The following WDR27 variants were observed in gnomAD, a reference collection of about 807,000 sequenced individuals.
WDR27 encodes WD repeat domain 27.
Under a neutral mutation model 114.4 loss-of-function variants are expected in WDR27, and 100 were observed. That is an observed-to-expected ratio of 0.87 (90% CI 0.74 to 1.03). The LOEUF (loss-of-function observed/expected upper bound fraction) is 1.03, where lower values mean the gene tolerates loss of function less well. WDR27 is among the 50% of genes least tolerant of loss of function. WDR27 has a pLI of 0.00. For synonymous variants in WDR27, 449 were observed against 423.1 expected, an observed-to-expected ratio of 1.06 and a Z score of -0.75; for missense variants, 1,129 against 1,092.9, an observed-to-expected ratio of 1.03 and a Z score of -0.47.
chr6:169,473,923 G>A (rs959774121), intron 25 of WDR27, among the ~76,000 whole-genome samples: 3 of 152,230 alleles, frequency 2.0e-5, no homozygotes, highest in African/African-American at 7.2e-5. Context: ...CTGCTTCTCT[G>A]TTTCAGTTTC....
intron 25 of WDR27, among the ~76,000 whole-genome samples, chr6:169,492,240 A>C (rs992565514): frequency 6.6e-6 from 1 of 151,980 alleles, no homozygotes; most frequent in Non-Finnish European, 1.5e-5. Flanking sequence ...AAAGCAGCAG[A>C]TCATTGCTCG....
intron 25 of WDR27, among the ~76,000 whole-genome samples, chr6:169,466,138 G>A (rs879535715): frequency 1.4e-4 from 22 of 152,160 alleles, no homozygotes; most frequent in Non-Finnish European, 2.4e-4. Flanking sequence ...CTCTTGCCCC[G>A]TTTCTGTCCA....
intron 22 of WDR27, among the ~76,000 whole-genome samples, chr6:169,610,422 G>A (rs576405228): frequency 2.0e-4 from 30 of 152,268 alleles, no homozygotes; most frequent in Non-Finnish European, 3.5e-4. Flanking sequence ...AGCAAGCCCC[G>A]TCTTACATGG....
In WDR27 at chr6:169,636,496, G is replaced by A; in HGVS notation, c.1878C>T (p.Asp626=). The change falls in exon 19 of 26, where the codon GAC becomes GAT. Residue 626 remains aspartate, a synonymous_variant. Transcript: ENST00000448612. ...GAELALLLGK[D]MFSKPIQSAQ... is the part of the protein sequence containing the mutation. ...CAGACTGTATAGGTTTAGAAAACAT[G>A]TCTTTGCCCTGTAATGCAAATCAGT... The A allele has an allele frequency of 6.2e-7, 1 of 1,605,926 alleles. No individual in the cohort carries two copies. Among genetic ancestry groups the A allele is most frequent in the Non-Finnish European group, 8.5e-7 (1 of 1,176,812 alleles).
At chr6:169,449,572 G>A in the WDR27 span, among the ~76,000 whole-genome samples, 1 of 152,184 alleles carries the variant, frequency 6.6e-6, no homozygotes, top group Non-Finnish European at 1.5e-5. Context: ...TGTGGGCACC[G>A]GGACTGCAGT....
chr6:169,466,786 T>C (rs1363522716), intron 25 of WDR27, among the ~76,000 whole-genome samples: 2 of 152,166 alleles, frequency 1.3e-5, no homozygotes, highest in Admixed American at 1.3e-4. Context: ...TCCTCCCAAA[T>C]CTCATGTCTT....
At chr6:169,521,969 G>GT (rs1481966335) in intron 25 of WDR27, among the ~76,000 whole-genome samples, 1 of 152,006 alleles carries the variant, frequency 6.6e-6, no homozygotes, top group African/African-American at 2.4e-5. Flanking sequence ...AATGGCCATT[G>GT]TAAGTCTTCA....
At chr6:169,529,217 C>T (rs1367274964) in intron 25 of WDR27, among the ~76,000 whole-genome samples, 2 of 147,556 alleles carry the variant, frequency 1.4e-5, no homozygotes, top group East Asian at 2.0e-4. Flanking sequence ...TCACTATGTG[C>T]GTGTGCATAT....
chr6:169,521,673 TGTAGA>T (rs1385814571), intron 25 of WDR27, among the ~76,000 whole-genome samples: 14 of 152,224 alleles, frequency 9.2e-5, no homozygotes, highest in South Asian at 4.1e-4. Flanking sequence ...GAGCTTAAAA[TGTAGA>T]GTATTTTTTT....
At position 169,688,933 on chromosome 6, in the gene WDR27, C is replaced by A; in HGVS notation, c.73G>T (p.Val25Phe). Residue 25 changes from valine (V) to phenylalanine (F), a missense_variant, in exon 2 of 26, where the codon GTT (valine) becomes TTT (phenylalanine). Coordinates refer to ENST00000448612, the MANE Select transcript of WDR27 (RefSeq NM_182552.5). Reference sequence around the variant, plus strand: ...TGAGACACAGACTCCTTGGATTCAACCAGGTATTTTTCTATAACTATATCA... The same window carrying A: ...TGAGACACAGACTCCTTGGATTCAAACAGGTATTTTTCTATAACTATATCA... ...LSDIVIEKYL[V>F]ESKESVSHVQ... is the part of the protein sequence containing the mutation. The A allele has an allele frequency of 6.2e-7, 1 of 1,613,902 alleles. No homozygotes were observed. The highest frequency in any genetic ancestry group is 8.5e-7 in the Non-Finnish European group (1 of 1,179,848).
At chr6:169,452,932 C>T (rs185162423), downstream of WDR27, among the ~76,000 whole-genome samples, 41 of 152,338 alleles carry the variant, frequency 2.7e-4, no homozygotes, top group East Asian at 6.9e-3. Context: ...CTTCTCTCCA[C>T]AAGCAGCTGT....
intron 25 of WDR27, among the ~76,000 whole-genome samples, chr6:169,570,808 C>G (rs9396944): frequency 0.58 from 87,454 of 152,000 alleles, 27,450 homozygotes; most frequent in Non-Finnish European, 0.69. Flanking sequence ...CAGCCTGGGC[C>G]ACAAGAGCGA....
intron 4 of WDR27, 97 bp from the exon 5 acceptor site, chr6:169,668,282 G>A: frequency 8.0e-7 from 1 of 1,250,872 alleles, no homozygotes; most frequent in Non-Finnish European, 1.1e-6. Flanking sequence ...TAAGAGGAAA[G>A]CTCAGGCGAC....
intron 25 of WDR27, among the ~76,000 whole-genome samples, chr6:169,552,814 T>C (rs1298216620): frequency 6.6e-6 from 1 of 152,244 alleles, no homozygotes; most frequent in African/African-American, 2.4e-5. Context: ...GATTTTTAAC[T>C]GTTTTAAAAG....
At chr6:169,696,190 C>T (rs1431679522) in intron 1 of WDR27, among the ~76,000 whole-genome samples, 2 of 152,196 alleles carry the variant, frequency 1.3e-5, no homozygotes, top group Non-Finnish European at 2.9e-5. Context: ...TCCCTGCATA[C>T]GTCTACACAG....
chr6:169,656,109 G>C (rs1011135725), intron 13 of WDR27, among the ~76,000 whole-genome samples: 2 of 152,022 alleles, frequency 1.3e-5, no homozygotes. Flanking sequence ...CCCCCAGTGT[G>C]GCTGAGTTTG....
At chr6:169,662,208 TTTA>T in intron 9 of WDR27, 93 bp downstream of exon 9, 2 of 1,448,870 alleles carry the variant, frequency 1.4e-6, no homozygotes, top group Non-Finnish European at 9.4e-7. Flanking sequence ...ATAATTTGGT[TTTA>T]TCTCAGTCAT....
At chr6:169,478,305 C>A (rs1787474111) in intron 25 of WDR27, among the ~76,000 whole-genome samples, 1 of 152,072 alleles carries the variant, frequency 6.6e-6, no homozygotes, top group Non-Finnish European at 1.5e-5. Flanking sequence ...ATAAATGCTA[C>A]CACATGTTGG....
the WDR27 span, among the ~76,000 whole-genome samples, chr6:169,439,142 G>T: frequency 2.0e-5 from 3 of 152,056 alleles, no homozygotes. Context: ...TTATTCGATG[G>T]GTTGTATAAA....
Sources: gnomAD v4.1 joint callset for allele counts (sites outside exome capture counted in the v4.1 genomes callset) on GRCh38, gnomAD v4.1.1 for gene constraint, MANE v1.5 for transcripts, NCBI Gene and HGNC (gene_info 2026-07-23, HGNC 2026-07-21) for gene names.